CD1C: variants seen among roughly 807,000 people sequenced by gnomAD.
The protein encoded by CD1C is CD1c molecule.
In CD1C, 47 loss-of-function variants were observed where a neutral mutation model predicts 39.4. The ratio of observed to expected loss-of-function variants is 1.19; its 90% CI spans 0.94 to 1.52. The LOEUF (loss-of-function observed/expected upper bound fraction) is 1.52. Ranked by LOEUF, CD1C falls within the 40% of genes most tolerant of loss-of-function variation. The pLI is 0.00. For missense variants in CD1C, 417 were observed against 395.2 expected (o/e 1.06, Z -0.47); for synonymous variants, 165 against 150.8 (o/e 1.09, Z -0.69).
At chr1:158,290,584 G>T (rs1650998064) in intron 1 of CD1C, among the ~76,000 whole-genome samples, 1 of 152,140 alleles carries the variant, frequency 6.6e-6, no homozygotes, top group Non-Finnish European at 1.5e-5. Flanking sequence ...AGCAGATGGG[G>T]AAATGAGAGA....
At chr1:158,292,479 G>A (rs926638330) in intron 3 of CD1C, 114 bp downstream of exon 3, 9 of 1,489,540 alleles carry the variant, frequency 6.0e-6, no homozygotes, top group African/African-American at 5.6e-5. Flanking sequence ...GGGTTGCTGG[G>A]TAATAGTTTC....
Position 158,292,358 on chromosome 1 carries a change from C to T in CD1C, c.603C>T (p.His201=), listed in dbSNP as rs1417584519. ...TGGATGCAGGGAAGATGTATGTACA[C>T]AGGCAAGGTCAGTAGTTTCAGCCCC... is the stretch of plus-strand genomic sequence containing the variant. ...GLLDAGKMYV[H]RQVRPEAWLS... Residue 201 remains histidine, a synonymous_variant, in exon 3 of 6, where the codon CAC becomes CAT. Transcript: ENST00000368170. The T allele has an allele frequency of 6.2e-7, 1 of 1,612,560 alleles. No individual in the cohort carries two copies. The highest frequency in any genetic ancestry group is 1.3e-5 in the African/African-American group (1 of 74,996).
At chr1:158,293,353 C>A in intron 5 of CD1C, 51 bp downstream of exon 5, 1 of 1,592,998 alleles carries the variant, frequency 6.3e-7, no homozygotes, top group Non-Finnish European at 8.6e-7. Context: ...TTTCACATTC[C>A]ATTTTTCACT....
chr1:158,292,220 T>C lies in CD1C; in HGVS notation c.465T>C (p.Cys155=), dbSNP rs756038893. The change falls in exon 3 of 6, where the codon TGT becomes TGC. Residue 155 remains cysteine (C), a synonymous_variant. Transcript: ENST00000368170. ...QNTTWVPSPG[C]GSLAQSVCHL... ...CAACATGGGTGCCATCTCCAGGCTG[T>C]GGAAGTTTGGCCCAAAGTGTCTGTC... 3 of 1,614,186 alleles carry C rather than the reference T, an allele frequency of 1.9e-6. No homozygotes were observed. The highest frequency in any genetic ancestry group is 2.2e-5 in the South Asian group (2 of 91,080).
chr1:158,293,110 T>G, intron 4 of CD1C, 102 bp from the exon 5 acceptor site: 1 of 992,748 alleles, frequency 1.0e-6, no homozygotes, highest in Non-Finnish European at 1.5e-6. Context: ...GGATAACTGA[T>G]GCAACTCATC....
intron 1 of CD1C, among the ~76,000 whole-genome samples, chr1:158,290,750 A>G (rs1651003751): frequency 6.6e-6 from 1 of 152,262 alleles, no homozygotes; most frequent in Middle Eastern, 3.4e-3. Flanking sequence ...TTTCTGAGAG[A>G]AGGAAACAAC....
intron 1 of CD1C, 121 bp downstream of exon 1, chr1:158,290,246 T>TATG: frequency 1.2e-6 from 1 of 809,716 alleles, no homozygotes; most frequent in Non-Finnish European, 2.0e-6. Flanking sequence ...TGTCTCCAGG[T>TATG]CCAGTTTACT....
chr1:158,291,276 G>A lies in CD1C; in HGVS notation c.204G>A (p.Leu68=). 2.5e-6 allele frequency: 4 copies of A among 1,614,058 alleles called. No homozygotes were observed. The highest frequency in any genetic ancestry group is 3.4e-6 in the Non-Finnish European group (4 of 1,180,012). The change falls in exon 2 of 6, where the codon CTG becomes CTA. Residue 68 remains leucine (L), a synonymous_variant. Transcript: ENST00000368170. The part of the protein sequence containing the change: ...WDSESGTIIF[L]HNWSKGNFSN... ...GTGAATCAGGCACAATAATTTTCCT[G>A]CATAACTGGTCCAAGGGCAACTTCA...
At position 158,291,205 on chromosome 1, in the gene CD1C, C is replaced by T. The variant is rs868463748; in HGVS notation, c.133C>T (p.Gln45Ter). The T allele has an allele frequency of 3.1e-6, 5 of 1,613,788 alleles. No individual in the cohort carries two copies. Among genetic ancestry groups the T allele is most frequent in the Non-Finnish European group, 3.4e-6 (4 of 1,179,918 alleles). The change falls in exon 2 of 6, where the codon CAG (glutamine) becomes TAG (stop). Residue 45 changes from glutamine (Q) to a stop codon, truncating the protein, a stop_gained. Coordinates refer to ENST00000368170, the MANE Select transcript of CD1C (RefSeq NM_001765.3). LOFTEE classifies it high-confidence loss of function. ...SFVNQSWARG[Q>*]GSGWLDELQT... is the part of the protein sequence containing the mutation. ...TGTCAACCAATCCTGGGCACGAGGT[C>T]AGGGCTCAGGATGGCTGGACGAGTT...
chr1:158,292,063 C>G, intron 2 of CD1C, 21 bp from the exon 3 acceptor site: 2 of 1,588,798 alleles, frequency 1.3e-6, no homozygotes, highest in South Asian at 2.3e-5. Flanking sequence ...AACTCTTTTT[C>G]TCATTCCTCC....
At chr1:158,292,464 C>T in intron 3 of CD1C, 99 bp downstream of exon 3, 1 of 1,489,774 alleles carries the variant, frequency 6.7e-7, no homozygotes, top group African/African-American at 1.4e-5. Flanking sequence ...GGACAAGAAG[C>T]AGGGGGGTTG....
rs1169893335 is a variant in CD1C, at chr1:158,291,211, T to C, written c.139T>C (p.Ser47Pro). 6.2e-7 allele frequency: 1 copy of C among 1,613,824 alleles called. No homozygotes were observed. The highest frequency in any genetic ancestry group is 1.7e-5 in the Admixed American group (1 of 59,968). Residue 47 changes from serine (S) to proline (P), a missense_variant, in exon 2 of 6, where the codon TCA becomes CCA. Coordinates refer to ENST00000368170, the MANE Select transcript of CD1C (RefSeq NM_001765.3). ...CCAATCCTGGGCACGAGGTCAGGGCTCAGGATGGCTGGACGAGTTGCAGAC... is the reference window on the plus strand; with the variant it reads ...CCAATCCTGGGCACGAGGTCAGGGCCCAGGATGGCTGGACGAGTTGCAGAC... ...VNQSWARGQG[S>P]GWLDELQTHG...
rs914763537 is a variant in CD1C at position 158,293,752 on chromosome 1, T to C, written c.*276T>C. On this transcript the variant is annotated 3_prime_UTR_variant, in exon 6 of 6. Transcript: ENST00000368170. The stretch of plus-strand genomic sequence containing the variant: ...AACCCAGAGAGCCCCTCAACTGTTA[T>C]GTGCATGCAACACTTCCTACCCTGT... 4.7e-6 allele frequency: 3 copies of C among 643,414 alleles called. No individual in the cohort carries two copies. Among genetic ancestry groups the C allele is most frequent in the Non-Finnish European group, 8.0e-6 (3 of 375,800 alleles). The allele number at this position is 643,414 out of a possible 1,614,324, so 39.9% of individuals were successfully genotyped here.
intron 2 of CD1C, 55 bp from the exon 3 acceptor site, chr1:158,292,029 C>G: frequency 6.5e-7 from 1 of 1,538,256 alleles, no homozygotes; most frequent in African/African-American, 1.4e-5. Context: ...GGTTTTTATA[C>G]TGTTGTTTTC....
intron 1 of CD1C, 21 bp downstream of exon 1, chr1:158,290,146 T>C (rs1248706177): frequency 6.2e-7 from 1 of 1,610,110 alleles, no homozygotes; most frequent in African/African-American, 1.3e-5. Flanking sequence ...CGCTGTCAGC[T>C]GCAAGGTTAC....
At chr1:158,291,587 A>T (rs188895235) in intron 2 of CD1C, among the ~76,000 whole-genome samples, 187 bp downstream of exon 2, 2 of 151,836 alleles carry the variant, frequency 1.3e-5, no homozygotes, top group African/African-American at 4.8e-5. Context: ...TATTTTTGGA[A>T]TTTTTTTTCT....
At chr1:158,292,912 T>G (rs1181058713) in intron 4 of CD1C, 38 bp downstream of exon 4, 1 of 1,605,898 alleles carries the variant, frequency 6.2e-7, no homozygotes, top group Non-Finnish European at 8.5e-7. Flanking sequence ...AGGTGGTTCT[T>G]GAGCCTAGAG....
Position 158,293,225 on chromosome 1 carries a change from C to T in CD1C, c.903C>T (p.Ser301=), listed in dbSNP as rs748408366. The T allele has an allele frequency of 1.2e-6, 2 of 1,613,654 alleles. No individual in the cohort carries two copies. Among genetic ancestry groups the T allele is most frequent in the Non-Finnish European group, 1.7e-6 (2 of 1,179,638 alleles). The change falls in exon 5 of 6, where the codon TCC becomes TCT. Residue 301 remains serine (S), a synonymous_variant. Transcript: ENST00000368170. ...CAATATGTGCAGGACACCACTTTTC[C>T]ATGAATTGGATTGCCTTGGTAGTGA... The part of the protein sequence containing the change: ...DIILYWGHHF[S]MNWIALVVIV...
In CD1C at chr1:158,294,279, C is replaced by T. The variant is rs1220409477; in HGVS notation, c.*803C>T. On this transcript the variant is annotated 3_prime_UTR_variant, in exon 6 of 6. Transcript: ENST00000368170. ...TATGGAAGACAAATTTCCTAAAGGA[C>T]TGTGTTATCTGAGATAGCCTTGGCT... Among the ~76,000 whole-genome samples the T allele has an allele frequency of 1.3e-5, 2 of 152,206 alleles. No homozygotes were observed. Among genetic ancestry groups the T allele is most frequent in the Non-Finnish European group, 2.9e-5 (2 of 68,042 alleles).
Sources: gnomAD v4.1 joint callset for allele counts (sites outside exome capture counted in the v4.1 genomes callset) on GRCh38, gnomAD v4.1.1 for gene constraint, MANE v1.5 for transcripts, NCBI Gene and HGNC (gene_info 2026-07-23, HGNC 2026-07-21) for gene names.